The following STXBP5L variants were observed in gnomAD, a reference collection of about 807,000 sequenced individuals.
The protein encoded by STXBP5L is syntaxin binding protein 5L.
STXBP5L carries 65 observed loss-of-function variants against 144.5 expected under a neutral mutation model. The observed-to-expected ratio is 0.45, with a 90% CI of 0.37 to 0.55. STXBP5L has a LOEUF of 0.55. Ranked by LOEUF, STXBP5L falls within the 20% of genes least tolerant of loss-of-function variation. The probability of loss-of-function intolerance (pLI) is 0.00; values close to 1 mark genes in which losing one functional copy is unlikely to be tolerated. For missense variants in STXBP5L, 1,298 were observed against 1,405.5 expected, an observed-to-expected ratio of 0.92 and a Z score of 1.22; for synonymous variants, 505 against 469.6, an observed-to-expected ratio of 1.08 and a Z score of -0.97.
At chr3:121,323,314 T>C (rs1577458258) in intron 20 of STXBP5L, among the ~76,000 whole-genome samples, 1 of 152,250 alleles carries the variant, frequency 6.6e-6, no homozygotes, top group Non-Finnish European at 1.5e-5. Context: ...AGGATTCTTA[T>C]AGTTTGAGGT....
At chr3:121,419,006 G>A in intron 26 of STXBP5L, 50 bp from the exon 27 acceptor site, 1 of 1,580,264 alleles carries the variant, frequency 6.3e-7, no homozygotes, top group African/African-American at 1.4e-5. Flanking sequence ...GCTTTGAATA[G>A]CACTTTTAAA....
chr3:120,930,842 C>G (rs1289848963), intron 2 of STXBP5L, among the ~76,000 whole-genome samples: 2 of 151,276 alleles, frequency 1.3e-5, no homozygotes, highest in Non-Finnish European at 2.9e-5. Flanking sequence ...TGCTGCTTCC[C>G]TCTTCCACTG....
chr3:121,194,168 C>T (rs182112676), intron 9 of STXBP5L, among the ~76,000 whole-genome samples: 1 of 152,014 alleles, frequency 6.6e-6, no homozygotes, highest in South Asian at 2.1e-4. Flanking sequence ...AACCACGTAC[C>T]TATTACCAGT....
At chr3:121,288,549 T>A (rs2108458347) in intron 19 of STXBP5L, among the ~76,000 whole-genome samples, 1 of 152,348 alleles carries the variant, frequency 6.6e-6, no homozygotes, top group African/African-American at 2.4e-5. Context: ...TGGTGTGAGA[T>A]GGTATCTCAT....
intron 11 of STXBP5L, among the ~76,000 whole-genome samples, chr3:121,226,007 G>A (rs759651230): frequency 1.8e-4 from 28 of 152,132 alleles, no homozygotes; most frequent in Non-Finnish European, 1.9e-4. Context: ...AGTACATACT[G>A]ATATCCTTGA....
chr3:120,993,368 C>A (rs1161339970), intron 3 of STXBP5L, among the ~76,000 whole-genome samples: 1 of 151,876 alleles, frequency 6.6e-6, no homozygotes, highest in Non-Finnish European at 1.5e-5. Context: ...TACAGTCTTT[C>A]TTAATAAATC....
chr3:121,223,100 G>A lies in STXBP5L; in HGVS notation c.1054G>A (p.Glu352Lys). The change falls in exon 11 of 27, where the codon GAA becomes AAA. Residue 352 changes from glutamate to lysine, a missense_variant. Transcript: ENST00000471454. Reference protein sequence around the residue: ...IMHGKAITVLEMDHPIVEFLT... With the variant: ...IMHGKAITVLKMDHPIVEFLT... ...GCATGGAAAAGCAATTACAGTACTT[G>A]AAATGGATCATCCTATTGTTGAATT... The A allele has an allele frequency of 6.2e-7, 1 of 1,612,312 alleles. No homozygotes were observed. The highest frequency in any genetic ancestry group is 8.5e-7 in the Non-Finnish European group (1 of 1,179,242).
At chr3:121,216,954 G>A (rs866377309) in intron 10 of STXBP5L, among the ~76,000 whole-genome samples, 7 of 152,124 alleles carry the variant, frequency 4.6e-5, no homozygotes, top group African/African-American at 1.4e-4. Context: ...TGTCCAGGTC[G>A]AACTTCCTGG....
intron 5 of STXBP5L, among the ~76,000 whole-genome samples, chr3:121,095,323 A>G (rs1453186654): frequency 6.6e-6 from 1 of 152,152 alleles, no homozygotes; most frequent in Non-Finnish European, 1.5e-5. Context: ...CTGAATTTGA[A>G]TGTTGGCCTG....
chr3:120,955,017 G>A lies in STXBP5L; in HGVS notation c.267G>A (p.Thr89=), dbSNP rs746457709. The part of the protein sequence containing the change: ...DPVQKILAIG[T]RTGAIRILGR... ...TTCAGAAAATCTTGGCTATTGGGAC[G>A]AGAACAGGTGCTATACGAATGTATC... is the stretch of plus-strand genomic sequence containing the variant. Residue 89 remains threonine, a synonymous_variant, in exon 3 of 27, where the codon ACG becomes ACA. Coordinates refer to ENST00000471454, the MANE Select transcript of STXBP5L (RefSeq NM_001308330.2). The A allele has an allele frequency of 1.9e-6, 3 of 1,612,254 alleles. No individual in the cohort carries two copies. Among genetic ancestry groups the A allele is most frequent in the Non-Finnish European group, 2.5e-6 (3 of 1,178,942 alleles).
chr3:121,043,436 C>T (rs574073930), intron 4 of STXBP5L, among the ~76,000 whole-genome samples: 67 of 151,910 alleles, frequency 4.4e-4, no homozygotes, highest in African/African-American at 1.4e-3. Flanking sequence ...ACTGGCCGGG[C>T]GCGGTGGCTC....
chr3:120,965,306 A>G lies in STXBP5L; in HGVS notation c.287+10269A>G, dbSNP rs573498736. Among the ~76,000 whole-genome samples the G allele has an allele frequency of 3.6e-4, 55 of 152,254 alleles. No homozygotes were observed. In the South Asian group the frequency reaches 0.011, roughly 30 times the overall value. On this transcript the variant is annotated intron_variant, in intron 3 of 26. Transcript: ENST00000471454. ...TTAAGGTTAATACTGTTATCTGTGA[A>G]TTTGATTCTGTCATGATGTTCACTG...
rs564089183 is a variant in STXBP5L, at chr3:121,153,888, G to C, written c.753+1328G>C. Reference sequence around the variant, plus strand: ...GGAGCTAAGCTAGGAGTTTCCTTTTGTTATACAAATCATAAAGATGGGGAT... The same window carrying C: ...GGAGCTAAGCTAGGAGTTTCCTTTTCTTATACAAATCATAAAGATGGGGAT... On this transcript the variant is annotated intron_variant, in intron 8 of 26. Coordinates refer to ENST00000471454, the MANE Select transcript of STXBP5L (RefSeq NM_001308330.2). Among the ~76,000 whole-genome samples the C allele has an allele frequency of 3.9e-5, 6 of 151,900 alleles. No homozygotes were observed. In the East Asian group the frequency reaches 1.2e-3, roughly 29 times the overall value.
At chr3:121,246,784 T>C (rs2049867752) in intron 14 of STXBP5L, among the ~76,000 whole-genome samples, 1 of 152,166 alleles carries the variant, frequency 6.6e-6, no homozygotes, top group African/African-American at 2.4e-5. Context: ...ATGTAAGAAA[T>C]ATTATCCTCA....
intron 22 of STXBP5L, among the ~76,000 whole-genome samples, chr3:121,395,812 T>C (rs2046714922): frequency 6.6e-6 from 1 of 152,212 alleles, no homozygotes; most frequent in Non-Finnish European, 1.5e-5. Flanking sequence ...TGTGACAGCT[T>C]CTTGATCTGT....
chr3:121,177,401 A>G (rs1169087581), intron 9 of STXBP5L, among the ~76,000 whole-genome samples: 2 of 152,118 alleles, frequency 1.3e-5, no homozygotes, highest in African/African-American at 4.8e-5. Context: ...GAATTCCTAC[A>G]ACTCAACAAC....
chr3:121,142,003 C>A (rs996161453), intron 7 of STXBP5L, among the ~76,000 whole-genome samples: 2 of 151,930 alleles, frequency 1.3e-5, no homozygotes, highest in African/African-American at 2.4e-5. Flanking sequence ...AAGACCCAAC[C>A]ATATGCTGTC....
intron 7 of STXBP5L, among the ~76,000 whole-genome samples, chr3:121,126,788 G>T (rs896965295): frequency 6.6e-6 from 1 of 152,156 alleles, no homozygotes; most frequent in South Asian, 2.1e-4. Context: ...AAAAATCAAG[G>T]TATCTGCAGG....
intron 20 of STXBP5L, among the ~76,000 whole-genome samples, chr3:121,371,348 T>G (rs938357318): frequency 6.6e-6 from 1 of 152,216 alleles, no homozygotes; most frequent in African/African-American, 2.4e-5. Flanking sequence ...GCCTTGCCTT[T>G]GATCTCCAGC....
Sources: allele counts gnomAD v4.1 joint callset (sites outside exome capture counted in the v4.1 genomes callset), GRCh38; gene constraint gnomAD v4.1.1; transcripts MANE v1.5; gene names NCBI Gene and HGNC (gene_info 2026-07-23, HGNC 2026-07-21).